Variants in GRM4 observed in about 807,000 individuals in gnomAD.
GRM4 encodes glutamate metabotropic receptor 4.
A neutral mutation model predicts 81.7 loss-of-function variants in GRM4; 28 were observed. The observed-to-expected ratio is 0.34, with a 90% CI of 0.25 to 0.47. The LOEUF (loss-of-function observed/expected upper bound fraction) is 0.47. GRM4 is among the 20% of genes least tolerant of loss of function. The probability of loss-of-function intolerance (pLI) is 1.00; values close to 1 mark genes in which losing one functional copy is unlikely to be tolerated. For missense variants in GRM4, 948 were observed against 1,290.0 expected, an observed-to-expected ratio of 0.73 and a Z score of 4.06; for synonymous variants, 488 against 528.8, an observed-to-expected ratio of 0.92 and a Z score of 1.06.
intron 2 of GRM4, among the ~76,000 whole-genome samples, chr6:34,129,793 A>C (rs978168593): frequency 1.3e-5 from 2 of 152,158 alleles, no homozygotes; most frequent in Admixed American, 6.5e-5. Context: ...GGCCCCTTCC[A>C]GCTCTGAGCC....
In GRM4 at chr6:34,109,707, G is replaced by A. The variant is rs912581345; in HGVS notation, c.520-17608C>T. Reference sequence around the variant, plus strand: ...ATTACCCTCTACGGTGTCCCTGACTGTGGCCTCTGGCTTCTGCTTGCCTGC... The same window carrying A: ...ATTACCCTCTACGGTGTCCCTGACTATGGCCTCTGGCTTCTGCTTGCCTGC... On this transcript the variant is annotated intron_variant, in intron 2 of 10. Transcript: ENST00000538487. Among the ~76,000 whole-genome samples the A allele has an allele frequency of 7.2e-5, 11 of 152,254 alleles. No individual in the cohort carries two copies. The East Asian group carries it at 1.9e-3, about 27-fold the overall frequency.
chr6:34,093,051 C>T lies in GRM4; in HGVS notation c.520-952G>A, dbSNP rs149474962. On this transcript the variant is annotated intron_variant, in intron 2 of 10. Transcript: ENST00000538487. The stretch of plus-strand genomic sequence containing the variant: ...TCCTCTTTCCTGTGTGCCCTCTGCC[C>T]GCTCAGTTGTCCAGGGAGACAGGGG... Among the ~76,000 whole-genome samples the T allele has an allele frequency of 2.6e-4, 40 of 152,282 alleles. No individual in the cohort carries two copies. The East Asian group carries it at 2.9e-3, about 11-fold the overall frequency.
chr6:34,095,652 A>G (rs1265544984), intron 2 of GRM4, among the ~76,000 whole-genome samples: 2 of 151,768 alleles, frequency 1.3e-5, no homozygotes, highest in African/African-American at 2.4e-5. Context: ...TCTGGCAGCA[A>G]TCGCCTTCTC....
intron 2 of GRM4, among the ~76,000 whole-genome samples, chr6:34,094,948 A>C (rs1251807193): frequency 6.6e-6 from 1 of 152,128 alleles, no homozygotes; most frequent in Non-Finnish European, 1.5e-5. Context: ...TGAGCAGTGG[A>C]TGGACGGATG....
chr6:34,041,517 C>T (rs373159537), intron 6 of GRM4, among the ~76,000 whole-genome samples: 205 of 152,326 alleles, frequency 1.3e-3, no homozygotes, highest in African/African-American at 4.6e-3. Flanking sequence ...CCTCCCCTCC[C>T]CTCCGTGTCC....
chr6:34,031,138 C>T (rs1002587331), intron 9 of GRM4, among the ~76,000 whole-genome samples: 1 of 152,220 alleles, frequency 6.6e-6, no homozygotes, highest in Non-Finnish European at 1.5e-5. Context: ...TCCCGAGGGG[C>T]TGAACCCAGG....
At chr6:34,056,359 T>TGGCCCCGCCCCTCAA in intron 6 of GRM4, 185 bp downstream of exon 6, 1 of 598,712 alleles carries the variant, frequency 1.7e-6, no homozygotes, top group Non-Finnish European at 3.0e-6. Context: ...AAATCTGCTG[T>TGGCCCCGCCCCTCAA]GGCCCCGCCC....
intron 2 of GRM4, among the ~76,000 whole-genome samples, chr6:34,108,080 G>T (rs1406174641): frequency 2.6e-5 from 4 of 152,200 alleles, no homozygotes. Context: ...TGCAGCACAG[G>T]CTGGGTGAGG....
chr6:34,044,779 TAC>T (rs1304028420), intron 6 of GRM4, among the ~76,000 whole-genome samples: 9 of 113,598 alleles, frequency 7.9e-5, no homozygotes, highest in Middle Eastern at 5.4e-3. Context: ...GACATACACA[TAC>T]ACACACAGAC....
rs189649503 is a variant in GRM4, at chr6:34,091,845, G to A, written c.736+38C>T. 1.2e-4 allele frequency: 182 copies of A among 1,467,530 alleles called. 2 individuals are homozygous for A. In the Admixed American group the frequency reaches 2.0e-3, roughly 16 times the overall value. 90.9% of individuals were successfully genotyped at this position (1,467,530 alleles called of 1,614,324 possible). ...TCAGTCACTGTGCCGGGACACCCCC[G>A]AGCCTGGCATGACTCTGCGGCCAGG... is the stretch of plus-strand genomic sequence containing the variant. On this transcript the variant is annotated intron_variant, in intron 3 of 10. Coordinates refer to ENST00000538487, the MANE Select transcript of GRM4 (RefSeq NM_000841.4).
intron 5 of GRM4, among the ~76,000 whole-genome samples, chr6:34,058,377 G>A (rs1364637224): frequency 6.6e-6 from 1 of 152,196 alleles, no homozygotes; most frequent in African/African-American, 2.4e-5. Flanking sequence ...GATGTCTGCA[G>A]TCCCTCCCAG....
chr6:34,116,321 C>A (rs1052815774), intron 2 of GRM4, among the ~76,000 whole-genome samples: 1 of 152,140 alleles, frequency 6.6e-6, no homozygotes, highest in Non-Finnish European at 1.5e-5. Flanking sequence ...TCCTAGCTGG[C>A]GACTCACACA....
intron 2 of GRM4, among the ~76,000 whole-genome samples, chr6:34,123,437 C>G (rs1221656866): frequency 6.6e-6 from 1 of 152,184 alleles, no homozygotes; most frequent in African/African-American, 2.4e-5. Context: ...CATGACCGGG[C>G]CCTGTGTGAG....
chr6:34,141,236 G>A (rs1466792102), intron 1 of GRM4, among the ~76,000 whole-genome samples: 10 of 152,130 alleles, frequency 6.6e-5, no homozygotes, highest in African/African-American at 9.7e-5. Context: ...GGCCCAGCCC[G>A]GGGAGAGCAG....
chr6:34,028,182 T>C lies in GRM4; in HGVS notation c.2627A>G (p.Lys876Arg). 6.2e-7 allele frequency: 1 copy of C among 1,614,048 alleles called. No homozygotes were observed. Among genetic ancestry groups the C allele is most frequent in the Non-Finnish European group, 8.5e-7 (1 of 1,180,010 alleles). Residue 876 changes from lysine to arginine, a missense_variant, in exon 10 of 11, where the codon AAG becomes AGG. Transcript: ENST00000538487. ...AATMSNKFTQ[K>R]GNFRPNGEAK... ...CTCTCCGTTGGGCCGGAAGTTGCCC[T>C]TCTGCGTGAACTTGTTGGACATGGT...
In GRM4 at chr6:34,111,950, G is replaced by C. The variant is rs1303460051; in HGVS notation, c.520-19851C>G. 6.6e-6 allele frequency among the ~76,000 whole-genome samples: 1 copy of C among 152,132 alleles called. No homozygotes were observed. Among genetic ancestry groups the C allele is most frequent in the African/African-American group, 2.4e-5 (1 of 41,406 alleles). On this transcript the variant is annotated intron_variant, in intron 2 of 10. Transcript: ENST00000538487. The surrounding 1 kb of genome is among the most constrained non-coding windows in gnomAD (Gnocchi z 5.1). Reference sequence around the variant, plus strand: ...TTATTGAGGTTTCTCAATAAGAAAAGGAGACTTGCCTGGAGATTCTGAAAT... The same window carrying C: ...TTATTGAGGTTTCTCAATAAGAAAACGAGACTTGCCTGGAGATTCTGAAAT...
chr6:34,040,771 G>C lies in GRM4; in HGVS notation c.1169-23C>G, dbSNP rs200887678. The C allele has an allele frequency of 6.9e-6, 11 of 1,597,596 alleles. No individual in the cohort carries two copies. The African/African-American group carries it at 1.5e-4, about 21-fold the overall frequency. ...GGTCTGCAATGAAACACCAGGAACA[G>C]GGACACTCGTGAGGCCCACTGTCCT... is the stretch of plus-strand genomic sequence containing the variant. On this transcript the variant is annotated intron_variant, in intron 6 of 10. Coordinates refer to ENST00000538487, the MANE Select transcript of GRM4 (RefSeq NM_000841.4).
Position 34,036,581 on chromosome 6 carries a change from C to T in GRM4, c.1529G>A (p.Gly510Glu). Residue 510 changes from glycine (G) to glutamate (E), a missense_variant, in exon 9 of 11, where the codon GGG (glycine) becomes GAG (glutamate). Transcript: ENST00000538487. This position sits in a 1 kb window ranked among gnomAD's most constrained non-coding sequence, Gnocchi z 9.0. ...HLRIERMHWPGSGQQLPRSIC... is the reference protein window; with the variant it reads ...HLRIERMHWPESGQQLPRSIC... ...GGAGCGGGGCAGCTGCTGCCCGCTC[C>T]CCGGCCAGTGCATCCGCTCTATCTG... The T allele has an allele frequency of 6.3e-7, 1 of 1,584,004 alleles. No homozygotes were observed. Among genetic ancestry groups the T allele is most frequent in the Non-Finnish European group, 8.6e-7 (1 of 1,163,254 alleles).
rs753500552 is a variant in GRM4, at chr6:34,035,598, GC to G, written c.2442+69del. 407 of 921,718 alleles carry G rather than the reference GC, an allele frequency of 4.4e-4. 1 individual carries two copies. Among genetic ancestry groups the G allele is most frequent in the Admixed American group, 6.7e-4 (25 of 37,288 alleles). The allele number at this position is 921,718 out of a possible 1,614,324, so 57.1% of individuals were successfully genotyped here. ...TCTGGAGCAGGGGGGAGGCCAGCCA[GC>G]CTCAGGAGGCTGCCCCTTGCTCACT... On this transcript the variant is annotated intron_variant, in intron 9 of 10. Coordinates refer to ENST00000538487, the MANE Select transcript of GRM4 (RefSeq NM_000841.4). The surrounding 1 kb of genome is among the most constrained non-coding windows in gnomAD (Gnocchi z 6.6).
Sources: allele counts gnomAD v4.1 joint callset (sites outside exome capture counted in the v4.1 genomes callset), GRCh38; gene constraint gnomAD v4.1.1; non-coding constraint Gnocchi (gnomAD v3.1); transcripts MANE v1.5; gene names NCBI Gene and HGNC (gene_info 2026-07-23, HGNC 2026-07-21).